Variants in PRRX1 observed in about 807,000 individuals in gnomAD.
The protein encoded by PRRX1 is paired mesoderm homeobox protein 1.
In PRRX1, 8 loss-of-function variants were observed where a neutral mutation model predicts 24.0. That is an observed-to-expected ratio of 0.33 (90% CI 0.20 to 0.60). PRRX1 has a LOEUF of 0.60. Among genes scored for constraint, PRRX1 ranks in the 20% least tolerant of loss-of-function variants. The pLI is 0.82. For synonymous variants in PRRX1, 160 were observed against 131.7 expected, an observed-to-expected ratio of 1.22 and a Z score of -1.47; for missense variants, 281 against 322.4, an observed-to-expected ratio of 0.87 and a Z score of 0.98.
At chr1:170,708,297 T>C (rs920904628) in intron 1 of PRRX1, among the ~76,000 whole-genome samples, 76 of 152,174 alleles carry the variant, frequency 5.0e-4, no homozygotes, top group African/African-American at 1.8e-3. Context: ...TCCACATGAA[T>C]TTTTGGGTGT....
intron 3 of PRRX1, chr1:170,730,148 G>A: frequency 1.2e-6 from 1 of 838,260 alleles, no homozygotes. Context: ...TGAAAGAGAG[G>A]TCAGCTATCC....
Position 170,696,644 on chromosome 1 carries a change from A to G in PRRX1, c.242-23082A>G, listed in dbSNP as rs78647140. 1.1e-3 allele frequency among the ~76,000 whole-genome samples: 162 copies of G among 152,342 alleles called. 4 individuals are homozygous for G. The East Asian group carries it at 0.018, about 17-fold the overall frequency. On this transcript the variant is annotated intron_variant, in intron 1 of 3. Coordinates refer to ENST00000239461, the MANE Select transcript of PRRX1 (RefSeq NM_022716.4). ...AAGGTAGGAAAACCTATAAAATTTTAAAGGTTCCACACTGGGGGCTTACAC... is the reference window on the plus strand; with the variant it reads ...AAGGTAGGAAAACCTATAAAATTTTGAAGGTTCCACACTGGGGGCTTACAC...
chr1:170,674,601 T>G (rs763827531), intron 1 of PRRX1, among the ~76,000 whole-genome samples: 5 of 152,216 alleles, frequency 3.3e-5, no homozygotes, highest in Non-Finnish European at 5.9e-5. Context: ...TTTTTAAGAT[T>G]TAGAGACTTT....
At chr1:170,712,518 G>A (rs1654782755) in intron 1 of PRRX1, among the ~76,000 whole-genome samples, 2 of 152,182 alleles carry the variant, frequency 1.3e-5, no homozygotes. Context: ...ACAACAAAGA[G>A]TGAGCAGAAG....
At chr1:170,664,088 CCT>C (rs58408113), upstream of PRRX1, 20,168 of 617,218 alleles carry the variant, frequency 0.033, 1 homozygote, top group East Asian at 0.049. Context: ...CCTCTTCCTC[CCT>C]CTCTCTCTCT....
chr1:170,677,747 C>T (rs1185435479), intron 1 of PRRX1, among the ~76,000 whole-genome samples: 2 of 152,158 alleles, frequency 1.3e-5, no homozygotes, highest in Non-Finnish European at 2.9e-5. Context: ...CTATGGTTAT[C>T]ACCTTTAGGT....
intron 1 of PRRX1, among the ~76,000 whole-genome samples, chr1:170,707,164 T>A (rs779376017): frequency 6.6e-6 from 1 of 151,730 alleles, no homozygotes; most frequent in Non-Finnish European, 1.5e-5. Flanking sequence ...AATACCTGGA[T>A]GTCTCTAGGA....
rs897812123 is a variant in PRRX1, at chr1:170,688,552, A to G, written c.241+24093A>G. 1.9e-4 allele frequency among the ~76,000 whole-genome samples: 29 copies of G among 152,146 alleles called. 1 individual carries two copies. The highest frequency in any genetic ancestry group is 4.4e-5 in the Non-Finnish European group (3 of 67,998). ...ATTTACCAATAAAATTTTATGTTTA[A>G]AAGGTATGAATATTGACTTATTTAA... On this transcript the variant is annotated intron_variant, in intron 1 of 3. Coordinates refer to ENST00000239461, the MANE Select transcript of PRRX1 (RefSeq NM_022716.4).
chr1:170,686,261 C>T (rs901222237), intron 1 of PRRX1, among the ~76,000 whole-genome samples: 6 of 151,114 alleles, frequency 4.0e-5, no homozygotes, highest in South Asian at 2.1e-4. Flanking sequence ...AATGGCAGCT[C>T]GGAAAAAATG....
At chr1:170,692,762 C>CAG (rs1432558032) in intron 1 of PRRX1, among the ~76,000 whole-genome samples, 66 of 151,176 alleles carry the variant, frequency 4.4e-4, no homozygotes, top group African/African-American at 1.5e-3. Context: ...CACACACACA[C>CAG]AGACACACGT....
intron 1 of PRRX1, among the ~76,000 whole-genome samples, chr1:170,697,679 CAT>C (rs1654215173): frequency 6.9e-6 from 1 of 145,932 alleles, no homozygotes; most frequent in Admixed American, 6.9e-5. Context: ...TTTATATATG[CAT>C]ATATATACAT....
At chr1:170,672,020 A>C (rs1425547503) in intron 1 of PRRX1, among the ~76,000 whole-genome samples, 1 of 152,134 alleles carries the variant, frequency 6.6e-6, no homozygotes, top group African/African-American at 2.4e-5. Context: ...AAAACCTGGC[A>C]CCATAGAGTT....
At chr1:170,719,692 T>C in intron 1 of PRRX1, 34 bp from the exon 2 acceptor site, 1 of 1,609,728 alleles carries the variant, frequency 6.2e-7, no homozygotes, top group East Asian at 2.2e-5. Flanking sequence ...CTACAGTGAA[T>C]TTGGCTTCTT....
chr1:170,730,096 T>C, intron 3 of PRRX1: 1 of 701,266 alleles, frequency 1.4e-6, no homozygotes, highest in South Asian at 1.6e-5. Flanking sequence ...GAAGTGCCAT[T>C]TCCAGAGGGA....
chr1:170,681,650 TGAG>T (rs1385258831), intron 1 of PRRX1, among the ~76,000 whole-genome samples: 2 of 152,088 alleles, frequency 1.3e-5, no homozygotes, highest in African/African-American at 4.8e-5. Context: ...TTCCTGAAGG[TGAG>T]GAGTTGATTT....
At chr1:170,684,359 C>G (rs932852484) in intron 1 of PRRX1, among the ~76,000 whole-genome samples, 1 of 152,144 alleles carries the variant, frequency 6.6e-6, no homozygotes, top group Non-Finnish European at 1.5e-5. Context: ...TTGTATGACC[C>G]CGAAGTGATT....
chr1:170,713,989 A>G (rs1654828121), intron 1 of PRRX1, among the ~76,000 whole-genome samples: 1 of 152,202 alleles, frequency 6.6e-6, no homozygotes, highest in Admixed American at 6.5e-5. Flanking sequence ...CTGAAGGGCT[A>G]TGCTGTTGAG....
At chr1:170,687,295 G>A (rs1054941788) in intron 1 of PRRX1, among the ~76,000 whole-genome samples, 3 of 152,106 alleles carry the variant, frequency 2.0e-5, no homozygotes, top group Non-Finnish European at 4.4e-5. Context: ...TGGTGAACAA[G>A]CCCATTGGAG....
chr1:170,731,581 C>T (rs575875636), intron 3 of PRRX1, among the ~76,000 whole-genome samples: 6 of 152,102 alleles, frequency 3.9e-5, no homozygotes, highest in Non-Finnish European at 7.3e-5. Context: ...AATCGTAGTA[C>T]GAATAGTATT....
Sources: allele counts gnomAD v4.1 joint callset (sites outside exome capture counted in the v4.1 genomes callset), GRCh38; gene constraint gnomAD v4.1.1; transcripts MANE v1.5; gene names NCBI Gene and HGNC (gene_info 2026-07-23, HGNC 2026-07-21).